Variants in ARFIP1 observed in about 807,000 individuals in gnomAD.
ARFIP1 encodes the protein ARF interacting protein 1, also known as arfaptin-1.
In ARFIP1, 24 loss-of-function variants were observed where a neutral mutation model predicts 42.5. That is an observed-to-expected ratio of 0.57 (90% CI 0.41 to 0.80). The LOEUF is 0.80. Among genes scored for constraint, ARFIP1 ranks in the 30% least tolerant of loss-of-function variants. The probability of loss-of-function intolerance (pLI) is 0.00; values close to 1 mark genes in which losing one functional copy is unlikely to be tolerated. For synonymous variants in ARFIP1, 141 were observed against 153.7 expected (o/e 0.92, Z 0.61); for missense variants, 354 against 434.0 (o/e 0.82, Z 1.64).
chr4:152,783,242 G>A (rs879781613), intron 1 of ARFIP1, among the ~76,000 whole-genome samples: 2 of 152,092 alleles, frequency 1.3e-5, no homozygotes, highest in Admixed American at 6.6e-5. Context: ...CCCAGGAGGC[G>A]GAGGCTGCAG....
Position 152,851,086 on chromosome 4 carries a change from C to T in ARFIP1, c.94-12520C>T, listed in dbSNP as rs549728548. On this transcript the variant is annotated intron_variant, in intron 2 of 8. Coordinates refer to ENST00000353617, the MANE Select transcript of ARFIP1 (RefSeq NM_001025595.3). Reference sequence around the variant, plus strand: ...GTAGATGCTTTGGAAGGTTTTGTCCCTTTTGAAGCATGAGATGTTACTGAG... The same window carrying T: ...GTAGATGCTTTGGAAGGTTTTGTCCTTTTTGAAGCATGAGATGTTACTGAG... 7.7e-4 allele frequency among the ~76,000 whole-genome samples: 117 copies of T among 152,220 alleles called. 3 individuals are homozygous for T. The South Asian group carries it at 0.022, about 29-fold the overall frequency.
At chr4:152,832,322 C>T (rs1057166178) in intron 2 of ARFIP1, among the ~76,000 whole-genome samples, 3 of 152,170 alleles carry the variant, frequency 2.0e-5, no homozygotes, top group Non-Finnish European at 4.4e-5. Flanking sequence ...ATGCTGTTCC[C>T]TGATGACTAT....
intron 8 of ARFIP1, among the ~76,000 whole-genome samples, chr4:152,892,180 T>TA: frequency 6.6e-6 from 1 of 152,314 alleles, no homozygotes; most frequent in African/African-American, 2.4e-5. Flanking sequence ...CAGCTGGGAC[T>TA]ACAGGCGCAT....
rs373885488 is a variant in ARFIP1 at position 152,815,281 on chromosome 4, C to T, written c.-9-14344C>T. On this transcript the variant is annotated intron_variant, in intron 1 of 8. Coordinates refer to ENST00000353617, the MANE Select transcript of ARFIP1 (RefSeq NM_001025595.3). The stretch of plus-strand genomic sequence containing the variant: ...AGTGGCTGCTTTGGGATTGCAACAG[C>T]AAAATTGAGTAGTTGCAACAGAGAC... Among the ~76,000 whole-genome samples, 30 of 152,214 alleles carry T rather than the reference C, an allele frequency of 2.0e-4. No individual in the cohort carries two copies. In the East Asian group the frequency reaches 2.3e-3, roughly 12 times the overall value.
intron 7 of ARFIP1, among the ~76,000 whole-genome samples, chr4:152,883,948 A>G (rs1391996955): frequency 6.6e-6 from 1 of 151,810 alleles, no homozygotes; most frequent in Admixed American, 6.6e-5. Context: ...CTCTTATCCT[A>G]GTTTAATGGT....
intron 4 of ARFIP1, 128 bp downstream of exon 4, chr4:152,870,976 T>C: frequency 1.6e-6 from 1 of 607,536 alleles, no homozygotes; most frequent in Non-Finnish European, 2.7e-6. Flanking sequence ...GGTGGCTGCC[T>C]TATTAACAAT....
intron 8 of ARFIP1, among the ~76,000 whole-genome samples, chr4:152,894,533 A>G (rs542166089): frequency 1.0e-3 from 157 of 152,316 alleles, no homozygotes; most frequent in Middle Eastern, 3.4e-3. Flanking sequence ...CTTTACTTCT[A>G]AAGCAAAAAC....
At chr4:152,793,000 C>G (rs1229294641) in intron 1 of ARFIP1, among the ~76,000 whole-genome samples, 1 of 152,004 alleles carries the variant, frequency 6.6e-6, no homozygotes. Context: ...ACATTTTGGC[C>G]TCCAATATAA....
At chr4:152,815,443 C>T (rs1729789397) in intron 1 of ARFIP1, among the ~76,000 whole-genome samples, 1 of 152,292 alleles carries the variant, frequency 6.6e-6, no homozygotes. Context: ...ATTTCTTATT[C>T]CCAGCTTCAA....
At chr4:152,880,908 A>G (rs80127385) in intron 5 of ARFIP1, 55 bp from the exon 6 acceptor site, 608,218 of 1,417,748 alleles carry the variant, frequency 0.43, 134,539 homozygotes, top group Admixed American at 0.56. Flanking sequence ...ATGCTCTAGC[A>G]TTTATATTTT....
chr4:152,904,447 C>A (rs1738133491), intron 8 of ARFIP1, among the ~76,000 whole-genome samples: 1 of 152,030 alleles, frequency 6.6e-6, no homozygotes, highest in African/African-American at 2.4e-5. Flanking sequence ...GCCTCGGCCT[C>A]CCAAAGTGCT....
At chr4:152,908,476 G>T (rs1395564992) in intron 8 of ARFIP1, among the ~76,000 whole-genome samples, 5 of 152,240 alleles carry the variant, frequency 3.3e-5, no homozygotes, top group Middle Eastern at 3.4e-3. Flanking sequence ...CAGGCGTGGT[G>T]GTGCGTGCCT....
chr4:152,818,519 T>C (rs952180563), intron 1 of ARFIP1, among the ~76,000 whole-genome samples: 6 of 152,174 alleles, frequency 3.9e-5, no homozygotes, highest in Admixed American at 3.3e-4. Flanking sequence ...TAACTCAGGC[T>C]GAGGTCACAG....
chr4:152,852,663 G>A (rs1352140185), intron 2 of ARFIP1, among the ~76,000 whole-genome samples: 3 of 151,946 alleles, frequency 2.0e-5, no homozygotes, highest in East Asian at 3.9e-4. Context: ...GTTATGTAAA[G>A]AAAGCACATT....
At chr4:152,791,516 C>G (rs1578804269) in intron 1 of ARFIP1, among the ~76,000 whole-genome samples, 1 of 152,098 alleles carries the variant, frequency 6.6e-6, no homozygotes, top group Non-Finnish European at 1.5e-5. Context: ...GCAATGTCAT[C>G]TTGGTATAAG....
At chr4:152,843,227 G>A (rs1732242990) in intron 2 of ARFIP1, among the ~76,000 whole-genome samples, 1 of 152,162 alleles carries the variant, frequency 6.6e-6, no homozygotes, top group Non-Finnish European at 1.5e-5. Context: ...TCTGGCTCCA[G>A]GATGGTACTG....
At chr4:152,889,681 AATAT>A (rs1437757459) in intron 8 of ARFIP1, among the ~76,000 whole-genome samples, 3 of 129,766 alleles carry the variant, frequency 2.3e-5, no homozygotes, top group Admixed American at 8.5e-5. Flanking sequence ...TATACTATAT[AATAT>A]ATATATGCAC....
chr4:152,853,658 T>A (rs1486488550), intron 2 of ARFIP1, among the ~76,000 whole-genome samples: 3 of 152,186 alleles, frequency 2.0e-5, no homozygotes, highest in Non-Finnish European at 2.9e-5. Context: ...ATCAGTTTGG[T>A]GATCTGAGAG....
At chr4:152,866,973 G>A (rs376469150) in intron 3 of ARFIP1, among the ~76,000 whole-genome samples, 3 of 151,540 alleles carry the variant, frequency 2.0e-5, no homozygotes, top group Non-Finnish European at 4.4e-5. Flanking sequence ...CTTCCTAGAT[G>A]GGATGGCGGC....
Sources: allele counts gnomAD v4.1 joint callset (sites outside exome capture counted in the v4.1 genomes callset), GRCh38; gene constraint gnomAD v4.1.1; transcripts MANE v1.5; gene names NCBI Gene and HGNC (gene_info 2026-07-23, HGNC 2026-07-21).